RASAL2: variants seen among roughly 807,000 people sequenced by gnomAD.
The protein encoded by RASAL2 is RAS protein activator like 2, also known as ras GTPase-activating protein nGAP.
In RASAL2, 58 loss-of-function variants were observed where a neutral mutation model predicts 128.9. That is an observed-to-expected ratio of 0.45 (90% CI 0.36 to 0.56). The LOEUF is 0.56. RASAL2 is among the 20% of genes least tolerant of loss of function. RASAL2 has a pLI of 0.00. For missense variants in RASAL2, 1,360 were observed against 1,601.6 expected (o/e 0.85, Z 2.57); for synonymous variants, 561 against 580.8 (o/e 0.97, Z 0.49).
At chr1:178,145,824 C>T (rs1660715390) in intron 1 of RASAL2, among the ~76,000 whole-genome samples, 1 of 152,120 alleles carries the variant, frequency 6.6e-6, no homozygotes, top group South Asian at 2.1e-4. Flanking sequence ...ATCAATGACT[C>T]CACCCTTCAG....
At chr1:178,388,797 T>C (rs1672730313) in intron 3 of RASAL2, among the ~76,000 whole-genome samples, 1 of 152,254 alleles carries the variant, frequency 6.6e-6, no homozygotes, top group African/African-American at 2.4e-5. Context: ...AGTAAATGTT[T>C]TTTCTTGCTG....
chr1:178,230,641 T>G (rs190755284), intron 1 of RASAL2, among the ~76,000 whole-genome samples: 88 of 152,218 alleles, frequency 5.8e-4, no homozygotes, highest in Middle Eastern at 6.8e-3. Flanking sequence ...AGAAAGAATT[T>G]AGGGGCATAA....
At chr1:178,278,471 T>A (rs1185526704) in intron 1 of RASAL2, among the ~76,000 whole-genome samples, 5 of 152,186 alleles carry the variant, frequency 3.3e-5, no homozygotes, top group African/African-American at 1.2e-4. Flanking sequence ...CCTGACCAGT[T>A]TCTTCTTTCT....
intron 1 of RASAL2, among the ~76,000 whole-genome samples, chr1:178,261,167 A>G (rs1003908073): frequency 3.3e-5 from 5 of 152,166 alleles, no homozygotes; most frequent in Admixed American, 6.5e-5. Flanking sequence ...TCCAATCTGT[A>G]TTTTGAGAAA....
chr1:178,372,194 A>G (rs919695356), intron 3 of RASAL2: 6 of 985,146 alleles, frequency 6.1e-6, no homozygotes, highest in Middle Eastern at 1.0e-3. Context: ...TTCTCACTTC[A>G]TCATTCAGTA....
At chr1:178,219,887 T>G (rs1663556999) in intron 1 of RASAL2, among the ~76,000 whole-genome samples, 1 of 152,038 alleles carries the variant, frequency 6.6e-6, no homozygotes, top group Non-Finnish European at 1.5e-5. Context: ...TGACCTCCAA[T>G]GTTGGAGGTG....
intron 3 of RASAL2, among the ~76,000 whole-genome samples, chr1:178,370,071 G>A (rs6702625): frequency 0.23 from 34,325 of 152,044 alleles, 6,774 homozygotes; most frequent in African/African-American, 0.54. Flanking sequence ...AAAGTCATTC[G>A]GCAAAAATCT....
intron 3 of RASAL2, among the ~76,000 whole-genome samples, chr1:178,332,035 G>C (rs1244676448): frequency 4.6e-5 from 7 of 152,100 alleles, no homozygotes; most frequent in African/African-American, 1.7e-4. Flanking sequence ...ATTAATTTCA[G>C]TTTACATGTA....
chr1:178,155,929 A>G (rs1252003400), intron 1 of RASAL2, among the ~76,000 whole-genome samples: 2 of 152,348 alleles, frequency 1.3e-5, no homozygotes, highest in African/African-American at 2.4e-5. Flanking sequence ...TATAGTTTCC[A>G]GAAACCTGTT....
At chr1:178,451,819 T>C in intron 10 of RASAL2, 104 bp downstream of exon 10, 2 of 1,399,708 alleles carry the variant, frequency 1.4e-6, no homozygotes, top group Non-Finnish European at 1.9e-6. Context: ...AACAATTATT[T>C]TACAACCAAA....
chr1:178,226,280 T>TG (rs1428907231), intron 1 of RASAL2, among the ~76,000 whole-genome samples: 5 of 152,216 alleles, frequency 3.3e-5, no homozygotes, highest in Admixed American at 6.5e-5. Context: ...CATTGTTTTT[T>TG]GGGGGGGCAT....
chr1:178,250,157 C>G (rs1225782329), intron 1 of RASAL2, among the ~76,000 whole-genome samples: 2 of 152,216 alleles, frequency 1.3e-5, no homozygotes, highest in African/African-American at 4.8e-5. Flanking sequence ...ACGTTTATGT[C>G]TGCTGAAGCT....
At position 178,227,282 on chromosome 1, in the gene RASAL2, A is replaced by ATGTAAG. The variant is rs558661377; in HGVS notation, c.203-56279_203-56278insAAGTGT. ...GCTACAGTTTAGCGTCTTGTCTTAC[A>ATGTAAG]TGTCGTTGTCTAAGTTTCTGAATGT... On this transcript the variant is annotated intron_variant, in intron 1 of 17. Transcript: ENST00000367649. Among the ~76,000 whole-genome samples, 36 of 151,992 alleles carry ATGTAAG rather than the reference A, an allele frequency of 2.4e-4. 1 individual carries two copies. The South Asian group carries it at 7.5e-3, about 32-fold the overall frequency.
intron 1 of RASAL2, among the ~76,000 whole-genome samples, chr1:178,143,660 T>C (rs1474558970): frequency 6.6e-6 from 1 of 152,070 alleles, no homozygotes; most frequent in Non-Finnish European, 1.5e-5. Context: ...GAAAAAGATA[T>C]ACACGAGATT....
intron 1 of RASAL2, among the ~76,000 whole-genome samples, chr1:178,111,556 A>G (rs1157978705): frequency 1.3e-5 from 2 of 152,120 alleles, no homozygotes; most frequent in African/African-American, 2.4e-5. Context: ...CCAGCAGTGT[A>G]TGTAAGTTCC....
intron 1 of RASAL2, among the ~76,000 whole-genome samples, chr1:178,136,959 G>C (rs1319283064): frequency 6.6e-6 from 1 of 152,036 alleles, no homozygotes; most frequent in African/African-American, 2.4e-5. Context: ...CCTTTAATTA[G>C]ATGTAGTGGG....
At chr1:178,347,095 T>G (rs927055434) in intron 3 of RASAL2, among the ~76,000 whole-genome samples, 2 of 152,190 alleles carry the variant, frequency 1.3e-5, no homozygotes, top group African/African-American at 2.4e-5. Flanking sequence ...ATGATTTACC[T>G]GTTTTTCTCA....
chr1:178,417,905 C>T (rs749183193), intron 4 of RASAL2, among the ~76,000 whole-genome samples: 17 of 152,170 alleles, frequency 1.1e-4, no homozygotes, highest in South Asian at 4.1e-4. Flanking sequence ...GTCGACTCCT[C>T]GGCCTGGATC....
chr1:178,432,848 T>A (rs1446757462), intron 5 of RASAL2, among the ~76,000 whole-genome samples: 1 of 152,106 alleles, frequency 6.6e-6, no homozygotes, highest in African/African-American at 2.4e-5. Flanking sequence ...AATGAACTGG[T>A]TTCTAGGTCT....
Sources: gnomAD v4.1 joint callset for allele counts (sites outside exome capture counted in the v4.1 genomes callset) on GRCh38, gnomAD v4.1.1 for gene constraint, MANE v1.5 for transcripts, NCBI Gene and HGNC (gene_info 2026-07-23, HGNC 2026-07-21) for gene names.